The following TENM1 variants were observed in gnomAD, a reference collection of about 807,000 sequenced individuals.
TENM1 encodes the protein teneurin transmembrane protein 1.
Under a neutral mutation model 174.8 loss-of-function variants are expected in TENM1, and 35 were observed. That is an observed-to-expected ratio of 0.20 (90% CI 0.15 to 0.27). The LOEUF is 0.27. Among genes scored for constraint, TENM1 ranks in the 10% least tolerant of loss-of-function variants. The pLI, the probability that TENM1 is intolerant of heterozygous loss-of-function variation, is 1.00. For synonymous variants in TENM1, 781 were observed against 798.7 expected, an observed-to-expected ratio of 0.98 and a Z score of 0.37; for missense variants, 1,633 against 2,130.1, an observed-to-expected ratio of 0.77 and a Z score of 4.59.
chrX:124,662,921 T>C (rs2051649759), intron 6 of TENM1, among the ~76,000 whole-genome samples: 1 of 112,281 alleles, frequency 8.9e-6, no homozygotes, highest in Non-Finnish European at 1.9e-5. Flanking sequence ...AAGCACTATG[T>C]CTTCTGTTTT....
chrX:124,388,750 C>T (rs2266911), intron 28 of TENM1, among the ~76,000 whole-genome samples: 15,233 of 111,649 alleles, frequency 0.14, 946 homozygotes, highest in Non-Finnish European at 0.19. Context: ...AAAGTTAAAG[C>T]ATTTGAATGA....
chrX:125,188,594 A>T, the TENM1 span, among the ~76,000 whole-genome samples: 2 of 111,759 alleles, frequency 1.8e-5, no homozygotes, highest in African/African-American at 6.5e-5. Flanking sequence ...CAGTAAATCA[A>T]GACAGAAGAC....
chrX:125,160,205 G>GA, the TENM1 span, among the ~76,000 whole-genome samples: 793 of 69,092 alleles, frequency 0.011, 16 homozygotes, highest in African/African-American at 0.039. Flanking sequence ...CACCATCAAT[G>GA]AAAAAAAAAA....
At chrX:124,381,001 G>A (rs756074328) in exon 32 of TENM1, 3 of 1,209,917 alleles carry the variant, frequency 2.5e-6, no homozygotes, top group African/African-American at 1.7e-5. Flanking sequence ...AGTAGTGAGT[G>A]TCCCTCCCCT....
At chrX:124,702,619 G>A (rs1382019290) in intron 5 of TENM1, among the ~76,000 whole-genome samples, 3 of 112,053 alleles carry the variant, frequency 2.7e-5, no homozygotes, top group African/African-American at 6.5e-5. Flanking sequence ...AGACTGAGAA[G>A]TAAACAAGTT....
Position 124,489,850 on chromosome X carries a change from T to C in TENM1, c.3696-2621A>G, listed in dbSNP as rs527260319. Among the ~76,000 whole-genome samples the C allele has an allele frequency of 6.1e-4, 68 of 111,436 alleles. No homozygotes were observed. The South Asian group carries it at 0.024, about 40-fold the overall frequency. ...AGAAACATTTGACATTGAAGAATGG[T>C]CTGCCCTTCCTGCTCCTCTTTCCTT... is the stretch of plus-strand genomic sequence containing the variant. On this transcript the variant is annotated intron_variant, in intron 20 of 31. Transcript: ENST00000422452.
At chrX:124,842,181 A>G (rs1412258273) in intron 3 of TENM1, among the ~76,000 whole-genome samples, 3 of 111,475 alleles carry the variant, frequency 2.7e-5, no homozygotes, top group African/African-American at 9.8e-5. Context: ...CTAGAACTCC[A>G]TATTACCATG....
chrX:124,809,725 A>C (rs953283334), intron 3 of TENM1, among the ~76,000 whole-genome samples: 2 of 109,961 alleles, frequency 1.8e-5, no homozygotes, highest in African/African-American at 6.6e-5. Context: ...TAATTTATAA[A>C]GTAAAGAGGC....
intron 8 of TENM1, among the ~76,000 whole-genome samples, chrX:124,649,109 T>C (rs2051232865): frequency 8.9e-6 from 1 of 112,235 alleles, no homozygotes; most frequent in African/African-American, 3.2e-5. Flanking sequence ...AATGTGTTTT[T>C]CTATTTATGT....
intron 11 of TENM1, among the ~76,000 whole-genome samples, chrX:124,594,195 C>A (rs887386504): frequency 8.9e-6 from 1 of 111,903 alleles, no homozygotes; most frequent in African/African-American, 3.3e-5. Context: ...GGGAAGCTCT[C>A]TGCCCCCTTG....
intron 3 of TENM1, among the ~76,000 whole-genome samples, chrX:124,802,341 T>A (rs750119769): frequency 1.2e-3 from 138 of 111,994 alleles, no homozygotes; most frequent in Middle Eastern, 9.2e-3. Flanking sequence ...TGTTTGTTTT[T>A]CTTTCAATGG....
At chrX:124,690,490 T>A (rs1163028664) in intron 5 of TENM1, among the ~76,000 whole-genome samples, 56 of 89,247 alleles carry the variant, frequency 6.3e-4, no homozygotes, top group African/African-American at 2.6e-3. Flanking sequence ...TTAGAGTGTG[T>A]GTGTGTGTGT....
At chrX:124,839,785 G>A (rs758744723) in intron 3 of TENM1, among the ~76,000 whole-genome samples, 206 of 112,010 alleles carry the variant, frequency 1.8e-3, no homozygotes, top group Non-Finnish European at 2.7e-3. Flanking sequence ...TAAATCGTCT[G>A]GTCCCTGTCC....
the TENM1 span, among the ~76,000 whole-genome samples, chrX:125,146,951 G>A: frequency 9.1e-6 from 1 of 110,130 alleles, no homozygotes. Context: ...TTTTTTCCAC[G>A]TTTGTATTTT....
the TENM1 span, among the ~76,000 whole-genome samples, chrX:125,100,349 A>C: frequency 1.8e-5 from 2 of 111,810 alleles, no homozygotes; most frequent in Non-Finnish European, 3.8e-5. Flanking sequence ...TGGTGGAGTG[A>C]GGCAGAGCCA....
chrX:125,085,029 C>CA, the TENM1 span, among the ~76,000 whole-genome samples: 1 of 110,294 alleles, frequency 9.1e-6, no homozygotes, highest in Non-Finnish European at 1.9e-5. Context: ...TTGATGCCTA[C>CA]AATAAAAGCA....
Position 124,940,722 on chromosome X carries a change from T to C in TENM1, c.217+22815A>G, listed in dbSNP as rs192045390. ...AGACGACATTGTCTCCTACTTAACATAGACAGCAGATGCTACGAGACATGA... is the reference window on the plus strand; with the variant it reads ...AGACGACATTGTCTCCTACTTAACACAGACAGCAGATGCTACGAGACATGA... On this transcript the variant is annotated intron_variant, in intron 1 of 31. Coordinates refer to ENST00000422452, the Ensembl canonical transcript of TENM1. Among the ~76,000 whole-genome samples, 25 of 111,326 alleles carry C rather than the reference T, an allele frequency of 2.2e-4. No individual in the cohort carries two copies. In the East Asian group the frequency reaches 6.0e-3, roughly 27 times the overall value.
intron 22 of TENM1, among the ~76,000 whole-genome samples, chrX:124,464,918 C>T (rs1422007868): frequency 4.5e-5 from 5 of 111,798 alleles, no homozygotes; most frequent in African/African-American, 1.3e-4. Context: ...ACTTCCTTAT[C>T]CTTGTCTTGA....
Position 124,634,612 on chromosome X carries a change from G to GA in TENM1, c.2077+7178dup, listed in dbSNP as rs199913417. On this transcript the variant is annotated intron_variant, in intron 11 of 31. Coordinates refer to ENST00000422452, the Ensembl canonical transcript of TENM1. ...CCTGCTGTAACTGTTATGTGTAAAG[G>GA]AAAAAAAAACACTGTGTACACATGA... 9.4e-3 allele frequency among the ~76,000 whole-genome samples: 1,007 copies of GA among 106,834 alleles called. 13 individuals carry two copies. Among genetic ancestry groups the GA allele is most frequent in the African/African-American group, 0.033 (963 of 29,507 alleles). 92.8% of individuals were successfully genotyped at this position (106,834 alleles called of 115,157 possible). A position where few individuals can be genotyped will look rare whatever the true frequency, so the allele number is the denominator to read the frequency against.
Sources: gnomAD v4.1 joint callset for allele counts (sites outside exome capture counted in the v4.1 genomes callset) on GRCh38, gnomAD v4.1.1 for gene constraint, MANE v1.5 for transcripts, NCBI Gene and HGNC (gene_info 2026-07-23, HGNC 2026-07-21) for gene names.